RAD52: variants seen among roughly 807,000 people sequenced by gnomAD.
RAD52 encodes DNA repair protein RAD52 homolog.
A neutral mutation model predicts 55.5 loss-of-function variants in RAD52; 47 were observed. The observed-to-expected ratio is 0.85, with a 90% CI of 0.67 to 1.08. The LOEUF (loss-of-function observed/expected upper bound fraction) is 1.08, where lower values mean the gene tolerates loss of function less well. Among genes scored for constraint, RAD52 ranks in the 50% least tolerant of loss-of-function variants. The pLI is 0.00. For missense variants in RAD52, 468 were observed against 522.8 expected (o/e 0.90, Z 1.02); for synonymous variants, 184 against 198.9 (o/e 0.92, Z 0.63).
At position 914,264 on chromosome 12, in the gene RAD52, T is replaced by G. The variant is rs1005290054; in HGVS notation, c.968-143A>C. 1.5e-5 allele frequency: 20 copies of G among 1,293,754 alleles called. No individual in the cohort carries two copies. In the African/African-American group the frequency reaches 2.5e-4, roughly 16 times the overall value. 80.1% of individuals were successfully genotyped at this position (1,293,754 alleles called of 1,614,324 possible). On this transcript the variant is annotated intron_variant, in intron 10 of 11. Coordinates refer to ENST00000358495, the MANE Select transcript of RAD52 (RefSeq NM_134424.4). The stretch of plus-strand genomic sequence containing the variant: ...AATTTCTCTCCCCTCCCCCTAAAAG[T>G]ACACTTCCCTTTGGTTAGGACCAAA...
chr12:953,115 G>A (rs980783819), upstream of RAD52, among the ~76,000 whole-genome samples: 1 of 148,772 alleles, frequency 6.7e-6, no homozygotes, highest in Non-Finnish European at 1.5e-5. Flanking sequence ...GACCACCCTG[G>A]CCAGCATGTT....
intron 1 of RAD52, among the ~76,000 whole-genome samples, chr12:946,002 G>A (rs1361197871): frequency 2.6e-5 from 4 of 151,758 alleles, no homozygotes; most frequent in South Asian, 2.1e-4. Flanking sequence ...CAGCCTGGGC[G>A]ACAAGAGTGA....
chr12:932,815 A>AACGTACTAGGTACTGCCCCCG (rs1565672972), intron 2 of RAD52, among the ~76,000 whole-genome samples, 160 bp downstream of exon 2: 5 of 85,488 alleles, frequency 5.8e-5, no homozygotes, highest in African/African-American at 1.3e-4. Context: ...GGTACTGCTC[A>AACGTACTAGGTACTGCCCCCG]CACACGTACT....
At chr12:985,052 G>A (rs1051978645) in intron 1 of RAD52, among the ~76,000 whole-genome samples, 7 of 152,022 alleles carry the variant, frequency 4.6e-5, no homozygotes, top group South Asian at 2.1e-4. Flanking sequence ...CTTGTGATCC[G>A]CCTGCCTCGG....
At chr12:925,350 G>T in intron 7 of RAD52, 100 bp downstream of exon 7, 1 of 972,122 alleles carries the variant, frequency 1.0e-6, no homozygotes, top group Non-Finnish European at 1.7e-6. Context: ...CTAAAGAGCT[G>T]AGTCCTCACT....
chr12:913,021 C>T lies in RAD52; in HGVS notation c.*370G>A, dbSNP rs924197814. On this transcript the variant is annotated 3_prime_UTR_variant, in exon 12 of 12. Transcript: ENST00000358495. ...CAAAACAACTGAATGTAGACAATTG[C>T]TGAGGCAGGTGCTTAGGACCAAGTC... The T allele has an allele frequency of 8.4e-6, 2 of 238,126 alleles. No homozygotes were observed. Among genetic ancestry groups the T allele is most frequent in the Non-Finnish European group, 1.6e-5 (2 of 122,580 alleles). 14.8% of individuals were successfully genotyped at this position (238,126 alleles called of 1,614,324 possible).
rs1958462350 is a variant in RAD52 at position 949,658 on chromosome 12, G to T, written c.-75C>A. The T allele has an allele frequency of 6.6e-6, 1 of 152,308 alleles. No homozygotes were observed. The highest frequency in any genetic ancestry group is 1.5e-5 in the Non-Finnish European group (1 of 68,144). 9.4% of individuals were successfully genotyped at this position (152,308 alleles called of 1,614,324 possible). On this transcript the variant is annotated 5_prime_UTR_variant, in exon 1 of 12. Coordinates refer to ENST00000358495, the MANE Select transcript of RAD52 (RefSeq NM_134424.4). The stretch of plus-strand genomic sequence containing the variant: ...AGCTCGATCTAGGCTATGGACAAGG[G>T]GAAGAGATCTTAGATGGAGGCCGCG...
intron 1 of RAD52, among the ~76,000 whole-genome samples, chr12:942,611 G>A (rs1957978207): frequency 2.0e-5 from 3 of 152,062 alleles, no homozygotes; most frequent in Admixed American, 1.3e-4. Flanking sequence ...GTTGGGCATG[G>A]TGGCGCATGT....
At chr12:980,870 A>G (rs551906182) in intron 1 of RAD52, among the ~76,000 whole-genome samples, 56 of 152,074 alleles carry the variant, frequency 3.7e-4, no homozygotes, top group Non-Finnish European at 6.5e-4. Flanking sequence ...TAGGACTTCA[A>G]CATGAGTTTT....
At position 941,038 on chromosome 12, in the gene RAD52, C is replaced by T. The variant is rs571658589; in HGVS notation, c.-18-7962G>A. ...CAAATTTCCCAAATTGGCCGACAGACATAAATTTACAGATTTAAGAAGCTC... is the reference window on the plus strand; with the variant it reads ...CAAATTTCCCAAATTGGCCGACAGATATAAATTTACAGATTTAAGAAGCTC... On this transcript the variant is annotated intron_variant, in intron 1 of 11. Transcript: ENST00000358495. Among the ~76,000 whole-genome samples, 205 of 152,178 alleles carry T rather than the reference C, an allele frequency of 1.3e-3. 4 individuals are homozygous for T. Among genetic ancestry groups the T allele is most frequent in the Non-Finnish European group, 1.3e-3 (89 of 68,010 alleles).
chr12:951,397 C>T (rs11571369), upstream of RAD52, among the ~76,000 whole-genome samples: 706 of 152,320 alleles, frequency 4.6e-3, 6 homozygotes, highest in Admixed American at 9.8e-3. Flanking sequence ...CAGGTGTAAA[C>T]CAGTGCACCT....
chr12:930,284 T>G, intron 3 of RAD52, 140 bp from the exon 4 acceptor site: 1 of 720,024 alleles, frequency 1.4e-6, no homozygotes. Context: ...GAGGCTGAGG[T>G]GGGAGGATCA....
At chr12:927,452 T>G (rs1230176717) in intron 5 of RAD52, among the ~76,000 whole-genome samples, 189 bp from the exon 6 acceptor site, 1 of 152,112 alleles carries the variant, frequency 6.6e-6, no homozygotes, top group Admixed American at 6.5e-5. Flanking sequence ...TGCCTGGACA[T>G]GTGCCTGCGG....
intron 1 of RAD52, among the ~76,000 whole-genome samples, chr12:970,179 T>A (rs1326399775): frequency 8.6e-5 from 13 of 151,784 alleles, no homozygotes; most frequent in Non-Finnish European, 1.0e-4. Context: ...TGGTGGCAGG[T>A]GCCTGTGATC....
At chr12:965,911 G>C (rs542867373) in intron 1 of RAD52, among the ~76,000 whole-genome samples, 99 of 152,032 alleles carry the variant, frequency 6.5e-4, no homozygotes, top group South Asian at 1.2e-3. Context: ...ATCTCGAACT[G>C]CTGACCTCAT....
chr12:980,199 G>A (rs75003760), intron 1 of RAD52, among the ~76,000 whole-genome samples: 5 of 151,998 alleles, frequency 3.3e-5, no homozygotes, highest in Admixed American at 2.0e-4. Flanking sequence ...TGGCCAGCGG[G>A]GGGTGGAAGG....
chr12:981,364 CAAT>C (rs550821435), intron 1 of RAD52, among the ~76,000 whole-genome samples: 15 of 151,612 alleles, frequency 9.9e-5, no homozygotes, highest in Admixed American at 6.6e-4. Flanking sequence ...ACCACCACAA[CAAT>C]AATAAAAACC....
At chr12:951,550 T>C (rs1014417095), upstream of RAD52, among the ~76,000 whole-genome samples, 7 of 152,250 alleles carry the variant, frequency 4.6e-5, no homozygotes, top group East Asian at 5.8e-4. Flanking sequence ...GTTTTCTTTG[T>C]TGTGTCCTTT....
chr12:987,675 C>A (rs1592505348), intron 1 of RAD52, among the ~76,000 whole-genome samples: 1 of 152,168 alleles, frequency 6.6e-6, no homozygotes, highest in South Asian at 2.1e-4. Context: ...ATCCTCCCAC[C>A]TCAGCCACCT....
Sources: allele counts gnomAD v4.1 joint callset (sites outside exome capture counted in the v4.1 genomes callset), GRCh38; gene constraint gnomAD v4.1.1; transcripts MANE v1.5; gene names NCBI Gene and HGNC (gene_info 2026-07-23, HGNC 2026-07-21).